CCDC83: variants seen among roughly 807,000 people sequenced by gnomAD.
CCDC83 encodes coiled-coil domain containing 83.
In CCDC83, 54 loss-of-function variants were observed where a neutral mutation model predicts 50.1. The ratio of observed to expected loss-of-function variants is 1.08; its 90% CI spans 0.87 to 1.35. The LOEUF is 1.35. CCDC83 is among the 40% of genes most tolerant of loss of function. The pLI, the probability that CCDC83 is intolerant of heterozygous loss-of-function variation, is 0.00. For synonymous variants in CCDC83, 161 were observed against 153.3 expected (o/e 1.05, Z -0.37); for missense variants, 518 against 473.9 (o/e 1.09, Z -0.86).
chr11:85,860,287 GTGAGA>G (rs2093168191), intron 1 of CCDC83, among the ~76,000 whole-genome samples: 1 of 137,294 alleles, frequency 7.3e-6, no homozygotes, highest in Non-Finnish European at 1.5e-5. Flanking sequence ...GGGCAACAGA[GTGAGA>G]CTCCGTCTCA....
chr11:85,860,535 A>G (rs2093170150), intron 1 of CCDC83, among the ~76,000 whole-genome samples: 2 of 152,224 alleles, frequency 1.3e-5, no homozygotes, highest in Non-Finnish European at 2.9e-5. Context: ...ACACTTATAC[A>G]CTGCTGGTGG....
intron 2 of CCDC83, among the ~76,000 whole-genome samples, chr11:85,868,942 C>G (rs186413045): frequency 6.6e-6 from 1 of 152,348 alleles, no homozygotes; most frequent in African/African-American, 2.4e-5. Context: ...TTACTCATCT[C>G]TGTACCTCTA....
intron 8 of CCDC83, among the ~76,000 whole-genome samples, chr11:85,913,919 G>GT (rs1418752883): frequency 2.0e-4 from 31 of 152,198 alleles, no homozygotes; most frequent in Admixed American, 2.0e-3. Context: ...TAGTACAGAA[G>GT]TAACAGTAAA....
intron 4 of CCDC83, among the ~76,000 whole-genome samples, chr11:85,885,265 G>T (rs905266820): frequency 6.6e-6 from 1 of 152,066 alleles, no homozygotes; most frequent in African/African-American, 2.4e-5. Flanking sequence ...GATGAGTCCT[G>T]AGTCCTTCTG....
At chr11:85,913,533 T>A (rs1001906584) in intron 8 of CCDC83, among the ~76,000 whole-genome samples, 2 of 152,194 alleles carry the variant, frequency 1.3e-5, no homozygotes, top group Non-Finnish European at 2.9e-5. Context: ...ATCTCTTTGT[T>A]GAGAATTAAG....
Position 85,886,339 on chromosome 11 carries a change from A to C in CCDC83, c.483A>C (p.Thr161=), listed in dbSNP as rs199571678. 1.9e-6 allele frequency: 3 copies of C among 1,595,410 alleles called. No homozygotes were observed. Among genetic ancestry groups the C allele is most frequent in the Non-Finnish European group, 2.6e-6 (3 of 1,174,328 alleles). Residue 161 remains threonine, a synonymous_variant, in exon 5 of 11, where the codon ACA becomes ACC. Coordinates refer to ENST00000342404, the MANE Select transcript of CCDC83 (RefSeq NM_001286159.2). ...LITSLQNDIN[T]VKENAEKMSE... ...CCTCCTTACAAAATGACATCAACACAGTTAAAGAGAATGCAGAGAAAATGT... is the reference window on the plus strand; with the variant it reads ...CCTCCTTACAAAATGACATCAACACCGTTAAAGAGAATGCAGAGAAAATGT...
intron 5 of CCDC83, among the ~76,000 whole-genome samples, chr11:85,888,808 T>C (rs1302452356): frequency 2.6e-5 from 4 of 152,226 alleles, no homozygotes; most frequent in African/African-American, 9.6e-5. Context: ...TCAATTTTTA[T>C]CCTACTGATT....
chr11:85,918,249 C>T (rs1170187573), intron 10 of CCDC83, among the ~76,000 whole-genome samples: 1 of 152,044 alleles, frequency 6.6e-6, no homozygotes, highest in Non-Finnish European at 1.5e-5. Flanking sequence ...CAGGCCTTGC[C>T]CCCAAATCAC....
intron 2 of CCDC83, among the ~76,000 whole-genome samples, chr11:85,866,207 T>C (rs1056227100): frequency 6.6e-6 from 1 of 152,222 alleles, no homozygotes; most frequent in Non-Finnish European, 1.5e-5. Flanking sequence ...AATTAATAGA[T>C]AAGTGTTAGT....
chr11:85,916,764 T>C (rs1245975823), intron 10 of CCDC83: 1 of 154,090 alleles, frequency 6.5e-6, no homozygotes, highest in Non-Finnish European at 1.4e-5. Flanking sequence ...GTTTTGAATT[T>C]CTTTTGTTAT....
At chr11:85,879,082 G>A (rs759575255) in intron 3 of CCDC83, among the ~76,000 whole-genome samples, 3 of 152,050 alleles carry the variant, frequency 2.0e-5, no homozygotes, top group Non-Finnish European at 4.4e-5. Context: ...TCTGTAGTTT[G>A]TCTTTCATCC....
chr11:85,917,170 A>AGAGAGAGAGAGAGAGAG (rs1565160046), intron 10 of CCDC83, among the ~76,000 whole-genome samples: 4 of 58,982 alleles, frequency 6.8e-5, no homozygotes, highest in African/African-American at 1.6e-4. Context: ...GAGAGAGAGA[A>AGAGAGAGAGAGAGAGAG]AGAAAGAAAG....
rs2093499830 is a variant in CCDC83, at chr11:85,919,748, A to C, written c.*238A>C. The C allele has an allele frequency of 2.3e-6, 1 of 443,690 alleles. No homozygotes were observed. The highest frequency in any genetic ancestry group is 4.3e-5 in the Admixed American group (1 of 23,256). 27.5% of individuals were successfully genotyped at this position (443,690 alleles called of 1,614,324 possible). A position where few individuals can be genotyped will look rare whatever the true frequency, so the allele number is the denominator to read the frequency against. On this transcript the variant is annotated 3_prime_UTR_variant, in exon 11 of 11. Transcript: ENST00000342404. ...ACACTGAAGTATTCAGAAGCATGAC[A>C]GTGGGTTCAAGGTAGTCTCTGAGGT...
chr11:85,878,397 G>A (rs190304546), intron 3 of CCDC83, among the ~76,000 whole-genome samples: 6 of 152,216 alleles, frequency 3.9e-5, no homozygotes, highest in Admixed American at 6.5e-5. Context: ...TTATTATAAC[G>A]TCACTTCAGG....
chr11:85,892,073 T>C (rs144511110), intron 5 of CCDC83, among the ~76,000 whole-genome samples: 1,571 of 152,340 alleles, frequency 0.01, 20 homozygotes, highest in Admixed American at 0.015. Flanking sequence ...TGGAGCTATG[T>C]GACCCCAGAA....
intron 1 of CCDC83, among the ~76,000 whole-genome samples, chr11:85,858,221 G>A (rs2093154131): frequency 6.6e-6 from 1 of 152,166 alleles, no homozygotes. Context: ...ACAAGTACCA[G>A]GTTATGGTTC....
chr11:85,898,414 C>T (rs1453194545), intron 6 of CCDC83, among the ~76,000 whole-genome samples: 1 of 152,134 alleles, frequency 6.6e-6, no homozygotes, highest in African/African-American at 2.4e-5. Context: ...AACCTACTGA[C>T]AAAGTAAGAC....
At position 85,911,403 on chromosome 11, in the gene CCDC83, G is replaced by A. The variant is rs1039593490; in HGVS notation, c.794+1G>A. 16 of 1,581,288 alleles carry A rather than the reference G, an allele frequency of 1.0e-5. No homozygotes were observed. The highest frequency in any genetic ancestry group is 1.2e-5 in the Non-Finnish European group (14 of 1,166,284). The stretch of plus-strand genomic sequence containing the variant: ...GACTTGTGGATCTCAAGATACCCAG[G>A]TGAAAATTGTTAATATATAGAGAGT... On this transcript the variant is annotated splice_donor_variant, in intron 8 of 10. Transcript: ENST00000342404. LOFTEE classifies it high-confidence loss of function.
At chr11:85,912,662 C>T (rs1292161456) in intron 8 of CCDC83, 3 of 1,605,506 alleles carry the variant, frequency 1.9e-6, no homozygotes, top group Non-Finnish European at 2.6e-6. Flanking sequence ...TCCAGTGCTA[C>T]ATTCCTGTCC....
Sources: allele counts gnomAD v4.1 joint callset (sites outside exome capture counted in the v4.1 genomes callset), GRCh38; gene constraint gnomAD v4.1.1; transcripts MANE v1.5; gene names NCBI Gene and HGNC (gene_info 2026-07-23, HGNC 2026-07-21).